Variants in PCCB observed in about 807,000 individuals in gnomAD.
The protein encoded by PCCB is propionyl-CoA carboxylase beta chain, mitochondrial.
In PCCB, 43 loss-of-function variants were observed where a neutral mutation model predicts 60.7. That is an observed-to-expected ratio of 0.71 (90% confidence interval 0.55 to 0.91). PCCB has a LOEUF of 0.91. Ranked by LOEUF, PCCB falls within the 40% of genes least tolerant of loss-of-function variation. PCCB has a pLI of 0.00. For synonymous variants in PCCB, 276 were observed against 255.9 expected, an observed-to-expected ratio of 1.08 and a Z score of -0.75; for missense variants, 766 against 702.8, an observed-to-expected ratio of 1.09 and a Z score of -1.02.
At chr3:136,316,289 A>G (rs762240521) in intron 9 of PCCB, among the ~76,000 whole-genome samples, 2 of 151,446 alleles carry the variant, frequency 1.3e-5, no homozygotes, top group African/African-American at 2.4e-5. Flanking sequence ...GGTGAAGGGT[A>G]TATGTACTGT....
intron 1 of PCCB, among the ~76,000 whole-genome samples, chr3:136,254,517 G>GC (rs1559994437): frequency 4.0e-5 from 2 of 49,402 alleles, no homozygotes; most frequent in Admixed American, 2.5e-4. Context: ...ACTGCGGCTA[G>GC]CTTTTTTTTT....
intron 5 of PCCB, among the ~76,000 whole-genome samples, chr3:136,278,031 G>T (rs138716533): frequency 2.6e-4 from 39 of 152,244 alleles, no homozygotes; most frequent in Admixed American, 9.2e-4. Context: ...TTCAACCTGC[G>T]ACCACTACCT....
At chr3:136,268,065 C>CGCGT (rs375042641) in intron 5 of PCCB, among the ~76,000 whole-genome samples, 1 of 78,434 alleles carries the variant, frequency 1.3e-5, no homozygotes, top group Non-Finnish European at 2.4e-5. Flanking sequence ...TGTGTGTGTG[C>CGCGT]GTGTGTGTGT....
chr3:136,283,175 A>T lies in PCCB; in HGVS notation c.544-662A>T, dbSNP rs144257560. On this transcript the variant is annotated intron_variant, in intron 5 of 14. Transcript: ENST00000251654. The stretch of plus-strand genomic sequence containing the variant: ...TAGGAGAAGGAAAGAATTTGGAAGT[A>T]GGGCAAAGAATAATTGGGCCTTTTA... 2.8e-3 allele frequency among the ~76,000 whole-genome samples: 426 copies of T among 152,338 alleles called. 2 individuals carry two copies. Among genetic ancestry groups the T allele is most frequent in the Non-Finnish European group, 4.4e-3 (302 of 68,026 alleles).
chr3:136,299,907 T>C lies in PCCB; in HGVS notation c.885-1123T>C, dbSNP rs560664481. Among the ~76,000 whole-genome samples the C allele has an allele frequency of 1.1e-4, 16 of 151,836 alleles. 1 individual carries two copies. Among genetic ancestry groups the C allele is most frequent in the Middle Eastern group, 6.8e-3 (2 of 294 alleles). Reference sequence around the variant, plus strand: ...ATGTACGTATATGCGTACATATGTATGCATGTATATGTATGCATATGTATA... The same window carrying C: ...ATGTACGTATATGCGTACATATGTACGCATGTATATGTATGCATATGTATA... On this transcript the variant is annotated intron_variant, in intron 8 of 14. Coordinates refer to ENST00000251654, the MANE Select transcript of PCCB (RefSeq NM_000532.5).
intron 6 of PCCB, 88 bp downstream of exon 6, chr3:136,284,035 G>C: frequency 1.2e-6 from 1 of 828,386 alleles, no homozygotes; most frequent in East Asian, 2.4e-5. Context: ...CCAGATCTAG[G>C]TTGTTACCTG....
chr3:136,292,584 T>C (rs1489479275), intron 6 of PCCB, among the ~76,000 whole-genome samples: 5 of 152,172 alleles, frequency 3.3e-5, no homozygotes, highest in South Asian at 4.1e-4. Context: ...TATACTGATA[T>C]GGAATAGAAT....
intron 7 of PCCB, among the ~76,000 whole-genome samples, chr3:136,294,479 T>A (rs866712020): frequency 5.8e-4 from 84 of 144,740 alleles, no homozygotes; most frequent in Admixed American, 2.1e-3. Context: ...ACCCAGCAAA[T>A]TTTTTTTTTT....
chr3:136,307,569 A>G (rs903860280), intron 9 of PCCB, among the ~76,000 whole-genome samples: 3 of 152,190 alleles, frequency 2.0e-5, no homozygotes, highest in Non-Finnish European at 4.4e-5. Context: ...AAATACAAAC[A>G]TTCTTTAATA....
At chr3:136,292,064 G>C (rs571242316) in intron 6 of PCCB, among the ~76,000 whole-genome samples, 1 of 152,208 alleles carries the variant, frequency 6.6e-6, no homozygotes, top group Admixed American at 6.5e-5. Context: ...TTTGCCAGTT[G>C]GTCTCCAGTT....
chr3:136,256,351 A>T (rs1223200615), intron 2 of PCCB: 1 of 616,556 alleles, frequency 1.6e-6, no homozygotes, highest in Non-Finnish European at 2.9e-6. Context: ...TGACAGTGCC[A>T]TTCACTCCTA....
At chr3:136,299,864 G>A (rs535328186) in intron 8 of PCCB, among the ~76,000 whole-genome samples, 46 of 151,500 alleles carry the variant, frequency 3.0e-4, no homozygotes, top group East Asian at 6.0e-4. Flanking sequence ...GCATATGTAT[G>A]TATATGCATG....
chr3:136,280,221 C>T (rs1029339691), intron 5 of PCCB, among the ~76,000 whole-genome samples: 2 of 152,128 alleles, frequency 1.3e-5, no homozygotes, highest in African/African-American at 2.4e-5. Flanking sequence ...TCTTGTATGG[C>T]GTGTCTATTG....
intron 3 of PCCB, among the ~76,000 whole-genome samples, chr3:136,258,940 A>G (rs1941749317): frequency 6.6e-6 from 1 of 151,388 alleles, no homozygotes; most frequent in Non-Finnish European, 1.5e-5. Flanking sequence ...TAAATCAGGT[A>G]TTTTCTTGTG....
At chr3:136,318,066 T>C (rs1291446760) in intron 10 of PCCB, among the ~76,000 whole-genome samples, 1 of 152,210 alleles carries the variant, frequency 6.6e-6, no homozygotes, top group Non-Finnish European at 1.5e-5. Context: ...TGGCTGGGTG[T>C]GGTGCCTCAC....
chr3:136,251,748 C>G (rs1020631143), intron 1 of PCCB, among the ~76,000 whole-genome samples: 3 of 152,126 alleles, frequency 2.0e-5, no homozygotes, highest in African/African-American at 7.2e-5. Flanking sequence ...CTCAATTCTT[C>G]CCTGGAACAT....
At chr3:136,268,063 TGC>T (rs1159072390) in intron 5 of PCCB, among the ~76,000 whole-genome samples, 5 of 91,620 alleles carry the variant, frequency 5.5e-5, no homozygotes, top group East Asian at 5.9e-4. Flanking sequence ...TGTGTGTGTG[TGC>T]GTGTGTGTGT....
At chr3:136,322,160 G>C (rs912465449) in intron 10 of PCCB, among the ~76,000 whole-genome samples, 15 of 152,152 alleles carry the variant, frequency 9.9e-5, no homozygotes, top group Non-Finnish European at 7.4e-5. Context: ...TTTATTGAGA[G>C]TTTTTGTCAT....
intron 5 of PCCB, among the ~76,000 whole-genome samples, chr3:136,267,214 TC>T (rs1942027683): frequency 6.6e-6 from 1 of 152,090 alleles, no homozygotes; most frequent in Admixed American, 6.6e-5. Context: ...AGAGACAGGG[TC>T]TTGCTCTGTT....
Sources: gnomAD v4.1 joint callset for allele counts (sites outside exome capture counted in the v4.1 genomes callset) on GRCh38, gnomAD v4.1.1 for gene constraint, MANE v1.5 for transcripts, NCBI Gene and HGNC (gene_info 2026-07-23, HGNC 2026-07-21) for gene names.